HNRNPD: variants seen among roughly 807,000 people sequenced by gnomAD.
HNRNPD encodes heterogeneous nuclear ribonucleoprotein D0.
HNRNPD carries 3 observed loss-of-function variants against 47.9 expected under a neutral mutation model. That is an observed-to-expected ratio of 0.06 (90% CI 0.03 to 0.16). The LOEUF (loss-of-function observed/expected upper bound fraction) is 0.16, where lower values mean the gene tolerates loss of function less well. HNRNPD is among the 10% of genes least tolerant of loss of function. The pLI is 1.00. For missense variants in HNRNPD, 287 were observed against 454.2 expected (o/e 0.63, Z 3.35); for synonymous variants, 171 against 165.1 (o/e 1.04, Z -0.28).
intron 2 of HNRNPD, among the ~76,000 whole-genome samples, chr4:82,364,425 T>C (rs573893597): frequency 7.9e-5 from 12 of 152,324 alleles, no homozygotes; most frequent in African/African-American, 2.2e-4. Flanking sequence ...TCCTAAATGA[T>C]TGATAGAAGT....
In HNRNPD at chr4:82,373,804, G is replaced by T; in HGVS notation, c.-126C>A. ...TACCTCGCGAAGCACACAAGACAGG[G>T]AAGGCGCGCGCGTGGCTGCAAAGGC... On this transcript the variant is annotated 5_prime_UTR_variant, in exon 1 of 9. Transcript: ENST00000313899. 1 of 1,503,100 alleles carries T rather than the reference G, an allele frequency of 6.7e-7. No homozygotes were observed. Among genetic ancestry groups the T allele is most frequent in the Admixed American group, 2.1e-5 (1 of 48,444 alleles). The allele number at this position is 1,503,100 out of a possible 1,614,324, so 93.1% of individuals were successfully genotyped here.
Position 82,373,372 on chromosome 4 carries a change from G to A in HNRNPD, c.233+74C>T, listed in dbSNP as rs2583637. The A allele has an allele frequency of 3.3e-6, 5 of 1,512,520 alleles. No individual in the cohort carries two copies. The East Asian group carries it at 7.3e-5, about 22-fold the overall frequency. 93.7% of individuals were successfully genotyped at this position (1,512,520 alleles called of 1,614,324 possible). A position where few individuals can be genotyped will look rare whatever the true frequency, so the allele number is the denominator to read the frequency against. On this transcript the variant is annotated intron_variant, in intron 1 of 8. Transcript: ENST00000313899. ...AGAACGGGCTGAGAGCGGGAACCAGGCCTAATGGCGGGGGAATAAAGAGGG... is the reference window on the plus strand; with the variant it reads ...AGAACGGGCTGAGAGCGGGAACCAGACCTAATGGCGGGGGAATAAAGAGGG...
At chr4:82,354,276 G>T (rs1355033414) in intron 8 of HNRNPD, 122 bp from the exon 9 acceptor site, 1 of 152,218 alleles carries the variant, frequency 6.6e-6, no homozygotes, top group Non-Finnish European at 1.5e-5. Flanking sequence ...AACATTAAAT[G>T]TGTGATATGT....
chr4:82,372,500 T>C (rs1720098445), intron 1 of HNRNPD, among the ~76,000 whole-genome samples: 1 of 151,714 alleles, frequency 6.6e-6, no homozygotes, highest in African/African-American at 2.4e-5. Context: ...GACACCAAAA[T>C]AGGATCCTGG....
At chr4:82,355,461 A>G in intron 7 of HNRNPD, 60 bp from the exon 8 acceptor site, 1 of 1,189,230 alleles carries the variant, frequency 8.4e-7, no homozygotes, top group Non-Finnish European at 1.2e-6. Flanking sequence ...TAATCAGAAC[A>G]GTACCTAATT....
intron 1 of HNRNPD, among the ~76,000 whole-genome samples, chr4:82,371,857 T>C (rs1168206640): frequency 6.6e-6 from 1 of 152,200 alleles, no homozygotes; most frequent in African/African-American, 2.4e-5. Context: ...ATCTAACATC[T>C]TCCTTTCTCA....
At chr4:82,373,212 G>C in intron 1 of HNRNPD, 1 of 713,214 alleles carries the variant, frequency 1.4e-6, no homozygotes, top group Non-Finnish European at 2.5e-6. Flanking sequence ...GAGCAGCATG[G>C]TGACGGCTAA....
chr4:82,360,791 G>A (rs191194083), intron 2 of HNRNPD, among the ~76,000 whole-genome samples: 7 of 152,212 alleles, frequency 4.6e-5, no homozygotes, highest in Admixed American at 2.6e-4. Flanking sequence ...TGGAATAAAA[G>A]GCCAATTAAC....
At chr4:82,361,318 G>C (rs1019900171) in intron 2 of HNRNPD, among the ~76,000 whole-genome samples, 3 of 152,106 alleles carry the variant, frequency 2.0e-5, no homozygotes, top group Admixed American at 2.0e-4. Flanking sequence ...CATTCACCCT[G>C]TAAAGGTGAG....
rs1435800376 is a variant in HNRNPD at position 82,373,524 on chromosome 4, G to A, written c.155C>T (p.Ala52Val). The change falls in exon 1 of 9, where the codon GCG becomes GTG. Residue 52 changes from alanine to valine, a missense_variant. Physicochemically the swap from Ala to Val is moderately conservative, Grantham distance 64 (BLOSUM62 0). Coordinates refer to ENST00000313899, the MANE Select transcript of HNRNPD (RefSeq NM_031370.3). ...GSGAGTGGGT[A>V]SGGTEGGSAE... ...GCTGCCCCCTTCGGTGCCTCCAGAC[G>A]CGGTTCCGCCCCCGGTCCCGGCTCC... 1.3e-5 allele frequency: 20 copies of A among 1,543,684 alleles called. No individual in the cohort carries two copies. The highest frequency in any genetic ancestry group is 1.7e-5 in the Non-Finnish European group (20 of 1,144,088).
intron 2 of HNRNPD, among the ~76,000 whole-genome samples, chr4:82,365,483 G>A (rs918918373): frequency 2.6e-5 from 4 of 152,012 alleles, no homozygotes; most frequent in Non-Finnish European, 5.9e-5. Flanking sequence ...AATGCAACTA[G>A]ATAATATCAC....
At chr4:82,369,941 G>C (rs143134442) in intron 2 of HNRNPD, among the ~76,000 whole-genome samples, 2 of 152,134 alleles carry the variant, frequency 1.3e-5, no homozygotes, top group African/African-American at 4.8e-5. Context: ...TCGGGAGTTC[G>C]AGACCAGCCT....
chr4:82,369,292 T>A (rs1442519467), intron 2 of HNRNPD, among the ~76,000 whole-genome samples: 1 of 152,116 alleles, frequency 6.6e-6, no homozygotes, highest in Non-Finnish European at 1.5e-5. Flanking sequence ...ACTACGGATG[T>A]TAATGTGGGA....
intron 3 of HNRNPD, 91 bp from the exon 4 acceptor site, chr4:82,358,911 A>G: frequency 1.0e-6 from 1 of 953,100 alleles, no homozygotes; most frequent in Non-Finnish European, 1.5e-6. Context: ...ATAAATACAG[A>G]TAATGCCAAG....
At chr4:82,358,266 A>G (rs764647023) in intron 4 of HNRNPD, 6 of 165,812 alleles carry the variant, frequency 3.6e-5, no homozygotes, top group East Asian at 1.8e-4. Flanking sequence ...ATGAGTCTAT[A>G]ATGATTAGTC....
chr4:82,357,180 T>G lies in HNRNPD; in HGVS notation c.753+133A>C, dbSNP rs2069116. ...TGTCCATCCTGCTCCCCACAAAAAGTTGGTCAATGGTAAGTAACCAATGAG... is the reference window on the plus strand; with the variant it reads ...TGTCCATCCTGCTCCCCACAAAAAGGTGGTCAATGGTAAGTAACCAATGAG... On this transcript the variant is annotated intron_variant, in intron 5 of 8. Transcript: ENST00000313899. 3.1e-6 allele frequency: 3 copies of G among 969,330 alleles called. No individual in the cohort carries two copies. In the South Asian group the frequency reaches 5.3e-5, roughly 17 times the overall value. The allele number at this position is 969,330 out of a possible 1,614,324, so 60.0% of individuals were successfully genotyped here.
At chr4:82,361,569 CTCTG>C (rs1335330772) in intron 2 of HNRNPD, among the ~76,000 whole-genome samples, 1 of 152,154 alleles carries the variant, frequency 6.6e-6, no homozygotes, top group Non-Finnish European at 1.5e-5. Context: ...CAAGAAAATT[CTCTG>C]TCTGGTCTAT....
At position 82,373,570 on chromosome 4, in the gene HNRNPD, C is replaced by T; in HGVS notation, c.109G>A (p.Ala37Thr). 6.5e-7 allele frequency: 1 copy of T among 1,537,858 alleles called. No individual in the cohort carries two copies. Among genetic ancestry groups the T allele is most frequent in the Non-Finnish European group, 8.7e-7 (1 of 1,143,520 alleles). Reference protein sequence around the residue: ...EGAMVAATQGAAAAAGSGAGT... With the variant: ...EGAMVAATQGTAAAAGSGAGT... ...GCTCCGCTTCCCGCCGCCGCCGCTG[C>T]CCCCTGTGTCGCCGCCACCATGGCT... is the stretch of plus-strand genomic sequence containing the variant. Residue 37 changes from alanine (A) to threonine (T), a missense_variant, in exon 1 of 9, where the codon GCA becomes ACA. Physicochemically the swap from Ala to Thr is moderately conservative, Grantham distance 58 (BLOSUM62 0). Transcript: ENST00000313899.
At chr4:82,372,372 G>C (rs189108599) in intron 1 of HNRNPD, among the ~76,000 whole-genome samples, 4 of 152,070 alleles carry the variant, frequency 2.6e-5, no homozygotes, top group African/African-American at 7.2e-5. Flanking sequence ...GAGGAAGCAA[G>C]TTAATACTAA....
Sources: gnomAD v4.1 joint callset for allele counts (sites outside exome capture counted in the v4.1 genomes callset) on GRCh38, gnomAD v4.1.1 for gene constraint, MANE v1.5 for transcripts, NCBI Gene and HGNC (gene_info 2026-07-23, HGNC 2026-07-21) for gene names.